The following ADAMTS20 variants were observed in gnomAD, a reference collection of about 807,000 sequenced individuals.
The protein encoded by ADAMTS20 is A disintegrin and metalloproteinase with thrombospondin motifs 20.
In ADAMTS20, 225 loss-of-function variants were observed where a neutral mutation model predicts 260.1. That is an observed-to-expected ratio of 0.87 (90% CI 0.78 to 0.97). The LOEUF (loss-of-function observed/expected upper bound fraction) is 0.97. Among genes scored for constraint, ADAMTS20 ranks in the 50% least tolerant of loss-of-function variants. The pLI is 0.00. For synonymous variants in ADAMTS20, 802 were observed against 769.5 expected (o/e 1.04, Z -0.70); for missense variants, 2,400 against 2,337.7 (o/e 1.03, Z -0.55).
rs1026220227 is a variant in ADAMTS20, at chr12:43,446,660, C to A, written c.2132G>T (p.Gly711Val). ...TGAAGAGTTGTCCCCACCACACACT[C>A]CACATTTGTCTATCTTGGCACTGGA... ...LNSSAKIDKC[G>V]VCGGDNSSCK... Residue 711 changes from glycine to valine, a missense_variant, in exon 15 of 39, where the codon GGA becomes GTA. Gly to Val is a moderately radical substitution (Grantham distance 109). Coordinates refer to ENST00000389420, the MANE Select transcript of ADAMTS20 (RefSeq NM_025003.5). 6.2e-7 allele frequency: 1 copy of A among 1,613,436 alleles called. No homozygotes were observed. Among genetic ancestry groups the A allele is most frequent in the Non-Finnish European group, 8.5e-7 (1 of 1,179,548 alleles).
At chr12:43,460,988 A>ATATATATATATTTTT in intron 11 of ADAMTS20, among the ~76,000 whole-genome samples, 22 of 26,396 alleles carry the variant, frequency 8.3e-4, no homozygotes, top group Admixed American at 2.5e-3. Flanking sequence ...ATATATATAT[A>ATATATATATATTTTT]TTTTTTTTTT....
At chr12:43,362,339 C>T (rs1414261542) in intron 37 of ADAMTS20, among the ~76,000 whole-genome samples, 2 of 152,092 alleles carry the variant, frequency 1.3e-5, no homozygotes, top group African/African-American at 4.8e-5. Context: ...AAGGACAGTC[C>T]TGGGAAGGCA....
At chr12:43,525,718 T>A (rs1402125732) in intron 3 of ADAMTS20, among the ~76,000 whole-genome samples, 2 of 152,134 alleles carry the variant, frequency 1.3e-5, no homozygotes, top group African/African-American at 4.8e-5. Flanking sequence ...TGAGCAGTAG[T>A]CAGTCTTATA....
At chr12:43,500,070 C>A (rs1052901750) in intron 4 of ADAMTS20, among the ~76,000 whole-genome samples, 2 of 151,786 alleles carry the variant, frequency 1.3e-5, no homozygotes, top group African/African-American at 4.8e-5. Flanking sequence ...AGTCTGTCGG[C>A]CAGACTGGAG....
intron 37 of ADAMTS20, among the ~76,000 whole-genome samples, chr12:43,366,851 CTCAAA>C (rs751212316): frequency 1.1e-4 from 17 of 151,682 alleles, no homozygotes; most frequent in Non-Finnish European, 1.6e-4. Context: ...GAAAAATAAT[CTCAAA>C]TCAATAATCT....
rs1244368306 is a variant in ADAMTS20, at chr12:43,476,992, T to C, written c.1118-8287A>G. Among the ~76,000 whole-genome samples, 6 of 90,868 alleles carry C rather than the reference T, an allele frequency of 6.6e-5. No individual in the cohort carries two copies. The South Asian group carries it at 2.1e-3, about 32-fold the overall frequency. The allele number at this position is 90,868 out of a possible 152,430, so 59.6% of individuals were successfully genotyped here. ...CACATGTACCCTAAAACTTAAAGTA[T>C]AAAAAAAAAAAAAAAAGTGTCAGAC... On this transcript the variant is annotated intron_variant, in intron 7 of 38. Coordinates refer to ENST00000389420, the MANE Select transcript of ADAMTS20 (RefSeq NM_025003.5).
chr12:43,376,736 G>C, intron 32 of ADAMTS20, 83 bp from the exon 33 acceptor site: 1 of 1,486,066 alleles, frequency 6.7e-7, no homozygotes, highest in Non-Finnish European at 9.0e-7. Context: ...CTTAGACCAG[G>C]TATTTCTGGA....
intron 28 of ADAMTS20, 43 bp from the exon 29 acceptor site, chr12:43,399,276 A>T: frequency 7.2e-7 from 1 of 1,383,322 alleles, no homozygotes. Context: ...TTTCTTCTTG[A>T]TTAATTTAAG....
At chr12:43,435,169 G>T (rs1799284753) in intron 18 of ADAMTS20, among the ~76,000 whole-genome samples, 1 of 152,158 alleles carries the variant, frequency 6.6e-6, no homozygotes, top group Non-Finnish European at 1.5e-5. Context: ...GTAAACTATG[G>T]ACTTTAATTA....
At chr12:43,541,824 T>C (rs1055560227) in intron 2 of ADAMTS20, among the ~76,000 whole-genome samples, 4 of 152,190 alleles carry the variant, frequency 2.6e-5, no homozygotes, top group Admixed American at 2.6e-4. Flanking sequence ...GCAGCATTAT[T>C]TACCTTCCCC....
intron 26 of ADAMTS20, 21 bp downstream of exon 26, chr12:43,428,220 A>G: frequency 6.2e-7 from 1 of 1,609,568 alleles, no homozygotes; most frequent in Non-Finnish European, 8.5e-7. Flanking sequence ...GAATTAATAT[A>G]ACTCAATAAA....
intron 29 of ADAMTS20, among the ~76,000 whole-genome samples, chr12:43,390,470 T>C (rs766612011): frequency 6.6e-6 from 1 of 152,198 alleles, no homozygotes; most frequent in Non-Finnish European, 1.5e-5. Flanking sequence ...CTTTGTATCA[T>C]TTCTCTTTTT....
At chr12:43,423,728 C>T (rs1941277370) in intron 28 of ADAMTS20, 1 of 702,106 alleles carries the variant, frequency 1.4e-6, no homozygotes. Flanking sequence ...CAAATCTCCC[C>T]AAGTAAACTG....
At position 43,369,283 on chromosome 12, in the gene ADAMTS20, G is replaced by T. The variant is rs1940054473; in HGVS notation, c.5538+7C>A. ...GAAAGAAAATTAATCAAACAAATAT[G>T]AAATACCTGTGGGCATCTGAAAGCA... On this transcript the variant is annotated splice_region_variant and intron_variant, in intron 37 of 38. Transcript: ENST00000389420. 6.8e-7 allele frequency: 1 copy of T among 1,476,260 alleles called. No homozygotes were observed. Among genetic ancestry groups the T allele is most frequent in the East Asian group, 2.5e-5 (1 of 39,422 alleles). 91.4% of individuals were successfully genotyped at this position (1,476,260 alleles called of 1,614,324 possible). A position where few individuals can be genotyped will look rare whatever the true frequency, so the allele number is the denominator to read the frequency against.
chr12:43,524,836 G>A (rs889744903), intron 3 of ADAMTS20, among the ~76,000 whole-genome samples: 2 of 152,122 alleles, frequency 1.3e-5, no homozygotes, highest in Non-Finnish European at 2.9e-5. Flanking sequence ...TAAGAGAAAT[G>A]AACACAGCTT....
intron 33 of ADAMTS20, 35 bp downstream of exon 33, chr12:43,376,489 C>A (rs1261308191): frequency 6.3e-7 from 1 of 1,588,132 alleles, no homozygotes; most frequent in South Asian, 1.2e-5. Flanking sequence ...TATTAGAAAC[C>A]CTTAGGTATT....
chr12:43,446,794 A>G, intron 14 of ADAMTS20, 82 bp from the exon 15 acceptor site: 1 of 1,156,880 alleles, frequency 8.6e-7, no homozygotes, highest in African/African-American at 1.5e-5. Flanking sequence ...ATACAATCAG[A>G]TATGACAAAG....
At chr12:43,381,104 T>C (rs1050040683) in intron 31 of ADAMTS20, among the ~76,000 whole-genome samples, 6 of 152,148 alleles carry the variant, frequency 3.9e-5, no homozygotes, top group Non-Finnish European at 7.4e-5. Context: ...CAATTGTCAA[T>C]TGATTTTTGA....
chr12:43,547,743 A>G (rs1043339071), intron 2 of ADAMTS20, among the ~76,000 whole-genome samples: 1 of 152,212 alleles, frequency 6.6e-6, no homozygotes, highest in Non-Finnish European at 1.5e-5. Flanking sequence ...CACTGAGACA[A>G]GAAATCAAAT....
Sources: gnomAD v4.1 joint callset for allele counts (sites outside exome capture counted in the v4.1 genomes callset) on GRCh38, gnomAD v4.1.1 for gene constraint, MANE v1.5 for transcripts, NCBI Gene and HGNC (gene_info 2026-07-23, HGNC 2026-07-21) for gene names.